The following ZBTB46 variants were observed in gnomAD, a reference collection of about 807,000 sequenced individuals.
ZBTB46 encodes the protein zinc finger and BTB domain containing 46.
A neutral mutation model predicts 44.1 loss-of-function variants in ZBTB46; 8 were observed. That is an observed-to-expected ratio of 0.18 (90% CI 0.11 to 0.33). The LOEUF is 0.33. ZBTB46 is among the 10% of genes least tolerant of loss of function. ZBTB46 has a pLI of 1.00. For synonymous variants in ZBTB46, 409 were observed against 382.3 expected, an observed-to-expected ratio of 1.07 and a Z score of -0.81; for missense variants, 651 against 847.7, an observed-to-expected ratio of 0.77 and a Z score of 2.88.
chr20:63,775,533 T>TCACCTCGCCGCAC (rs2092417725), intron 3 of ZBTB46, 145 bp downstream of exon 3: 1 of 1,118,336 alleles, frequency 8.9e-7, no homozygotes, highest in Non-Finnish European at 1.2e-6. Flanking sequence ...TGACGCCGCA[T>TCACCTCGCCGCAC]CCTCACCTCC....
In ZBTB46 at chr20:63,748,153, T is replaced by C. The variant is rs2092123027; in HGVS notation, c.1399-852A>G. 2.0e-5 allele frequency among the ~76,000 whole-genome samples: 3 copies of C among 152,174 alleles called. 1 individual carries two copies. The South Asian group carries it at 6.2e-4, about 31-fold the overall frequency. On this transcript the variant is annotated intron_variant, in intron 4 of 4. Coordinates refer to ENST00000245663, the MANE Select transcript of ZBTB46 (RefSeq NM_001369741.1). ...CCCCCACTCTCAGGCTGTTTCAAGG[T>C]CGACTGAGACATGCAAGAAGAGAGA...
chr20:63,752,397 G>A lies in ZBTB46; in HGVS notation c.1398+289C>T, dbSNP rs952576087. Among the ~76,000 whole-genome samples the A allele has an allele frequency of 1.3e-5, 2 of 152,200 alleles. No individual in the cohort carries two copies. The highest frequency in any genetic ancestry group is 1.3e-4 in the Admixed American group (2 of 15,302). On this transcript the variant is annotated intron_variant, in intron 4 of 4. Transcript: ENST00000245663. The surrounding 1 kb of genome is among the most constrained non-coding windows in gnomAD (Gnocchi z 5.6). ...GCGCAGAGGTGGCTGAGGGTTGGGG[G>A]CTCCAAGCAGAGCGAGCTGAGTTTG...
In ZBTB46 at chr20:63,790,251, C is replaced by T. The variant is rs374159825; in HGVS notation, c.507G>A (p.Pro169=). 72 of 1,611,702 alleles carry T rather than the reference C, an allele frequency of 4.5e-5. 1 individual carries two copies. The South Asian group carries it at 6.4e-4, about 14-fold the overall frequency. Residue 169 remains proline, a synonymous_variant, in exon 2 of 5, where the codon CCG becomes CCA. Transcript: ENST00000245663. ...CAGGACTCGTTCGCCGTGCCAGCCA[C>T]GGGGAGATGCTCCTCCCAGCCATCA... The part of the protein sequence containing the change: ...SAVMAGRSIS[P]WLARRTSPAN...
chr20:63,770,126 G>A (rs535244204), intron 3 of ZBTB46, among the ~76,000 whole-genome samples: 1 of 152,244 alleles, frequency 6.6e-6, no homozygotes, highest in Admixed American at 6.5e-5. Flanking sequence ...TCCGGGCACG[G>A]CTGATGCGGG....
intron 1 of ZBTB46, among the ~76,000 whole-genome samples, chr20:63,802,112 G>C (rs1435870266): frequency 1.3e-5 from 2 of 152,104 alleles, no homozygotes; most frequent in African/African-American, 4.8e-5. Context: ...GGTCATTGCA[G>C]ATGCAATTAA....
rs529459120 is a variant in ZBTB46 at position 63,744,610 on chromosome 20, T to C, written c.*2320A>G. ...AAAAAAAACCCTTCATGACATGTCTTTTCCCTCCACGCCTCCTGAGATGGA... is the reference window on the plus strand; with the variant it reads ...AAAAAAAACCCTTCATGACATGTCTCTTCCCTCCACGCCTCCTGAGATGGA... On this transcript the variant is annotated 3_prime_UTR_variant, in exon 5 of 5. Transcript: ENST00000245663. 63 of 152,458 alleles carry C rather than the reference T, an allele frequency of 4.1e-4. No homozygotes were observed. The highest frequency in any genetic ancestry group is 1.5e-3 in the African/African-American group (62 of 41,564). 9.4% of individuals were successfully genotyped at this position (152,458 alleles called of 1,614,324 possible).
chr20:63,826,419 A>T (rs1040633491), intron 1 of ZBTB46, among the ~76,000 whole-genome samples: 2 of 152,222 alleles, frequency 1.3e-5, no homozygotes, highest in African/African-American at 4.8e-5. Flanking sequence ...CGACAATGAC[A>T]GGCCCAGAGA....
rs765116319 is a variant in ZBTB46 at position 63,775,839 on chromosome 20, G to T, written c.1061C>A (p.Thr354Asn). The change falls in exon 3 of 5, where the codon ACC (threonine) becomes AAC (asparagine). Residue 354 changes from threonine to asparagine, a missense_variant. Around this residue, in one of 5 missense-constraint regions of ZBTB46, gnomAD observed 385 missense variants for 423.3 expected, o/e 0.91. Coordinates refer to ENST00000245663, the MANE Select transcript of ZBTB46 (RefSeq NM_001369741.1). ...ATGCAGGGCGTCGTCCTTCTCTGGG[G>T]TGAGGGGAGGGCCCAGATAGCTGGC... is the stretch of plus-strand genomic sequence containing the variant. ...GEASYLGPPL[T>N]PEKDDALHQA... is the part of the protein sequence containing the mutation. 119 of 1,613,362 alleles carry T rather than the reference G, an allele frequency of 7.4e-5. No homozygotes were observed. Among genetic ancestry groups the T allele is most frequent in the Admixed American group, 1.8e-4 (11 of 60,004 alleles).
At chr20:63,820,895 A>ATT (rs57955289) in intron 1 of ZBTB46, among the ~76,000 whole-genome samples, 3 of 142,290 alleles carry the variant, frequency 2.1e-5, no homozygotes, top group African/African-American at 5.1e-5. Flanking sequence ...TGCATGGCTA[A>ATT]TTTTTTTTTT....
chr20:63,783,780 A>C (rs1272095377), intron 2 of ZBTB46, among the ~76,000 whole-genome samples: 1 of 152,206 alleles, frequency 6.6e-6, no homozygotes, highest in Non-Finnish European at 1.5e-5. Flanking sequence ...ACCAAAGCAC[A>C]TGATGTCATC....
chr20:63,825,494 G>T (rs1030636578), intron 1 of ZBTB46, among the ~76,000 whole-genome samples: 17 of 145,452 alleles, frequency 1.2e-4, no homozygotes, highest in African/African-American at 3.6e-4. Flanking sequence ...TCCCCATGCT[G>T]CACAAACAGC....
At chr20:63,770,287 G>C (rs1050213379) in intron 3 of ZBTB46, among the ~76,000 whole-genome samples, 1 of 152,184 alleles carries the variant, frequency 6.6e-6, no homozygotes. Flanking sequence ...CAACTTGTGG[G>C]CAGCCATGTT....
intron 3 of ZBTB46, among the ~76,000 whole-genome samples, chr20:63,754,534 G>A (rs1010733595): frequency 1.3e-5 from 2 of 151,970 alleles, no homozygotes; most frequent in African/African-American, 2.4e-5. Context: ...GGGCTCAAGC[G>A]ATCCTCCCGC....
Position 63,746,735 on chromosome 20 carries a change from C to T in ZBTB46, c.*195G>A, listed in dbSNP as rs2092093029. The T allele has an allele frequency of 1.2e-6, 1 of 845,998 alleles. No homozygotes were observed. The highest frequency in any genetic ancestry group is 2.3e-5 in the South Asian group (1 of 42,808). The allele number at this position is 845,998 out of a possible 1,614,324, so 52.4% of individuals were successfully genotyped here. A position where few individuals can be genotyped will look rare whatever the true frequency, so the allele number is the denominator to read the frequency against. On this transcript the variant is annotated 3_prime_UTR_variant, in exon 5 of 5. Coordinates refer to ENST00000245663, the MANE Select transcript of ZBTB46 (RefSeq NM_001369741.1). ...TCCCCCAACTCACTTCATGTCTGGT[C>T]CCAGAGCACCCCTCTTGCTGGGGTC...
chr20:63,774,231 G>A (rs999293970), intron 3 of ZBTB46, among the ~76,000 whole-genome samples: 9 of 152,120 alleles, frequency 5.9e-5, no homozygotes, highest in African/African-American at 1.7e-4. Flanking sequence ...ATAAAGGGAA[G>A]GTGAACACCA....
rs1214224389 is a variant in ZBTB46 at position 63,751,637 on chromosome 20, T to TG, written c.1398+1048_1398+1049insC. ...TTCCGCCCCCCAGTGGGTCTCCCCA[T>TG]AAAGCCCCGCCCCCCGGTGGGTCTC... On this transcript the variant is annotated intron_variant, in intron 4 of 4. Coordinates refer to ENST00000245663, the MANE Select transcript of ZBTB46 (RefSeq NM_001369741.1). Among the ~76,000 whole-genome samples the TG allele has an allele frequency of 2.4e-4, 35 of 147,528 alleles. 4 individuals are homozygous for TG. The highest frequency in any genetic ancestry group is 1.8e-3 in the East Asian group (9 of 4,918).
At chr20:63,771,812 C>T (rs1325071439) in intron 3 of ZBTB46, among the ~76,000 whole-genome samples, 1 of 152,176 alleles carries the variant, frequency 6.6e-6, no homozygotes, top group Non-Finnish European at 1.5e-5. Context: ...TTATTTACCT[C>T]AGTGCATGCC....
At chr20:63,766,866 C>T (rs374411929) in intron 3 of ZBTB46, among the ~76,000 whole-genome samples, 30 of 152,288 alleles carry the variant, frequency 2.0e-4, no homozygotes, top group South Asian at 8.3e-4. Context: ...GATGGTGGGA[C>T]GCGTCTCTGG....
Position 63,752,876 on chromosome 20 carries a change from C to CG in ZBTB46, c.1223-16_1223-15insC. The CG allele has an allele frequency of 6.3e-7, 1 of 1,586,676 alleles. No individual in the cohort carries two copies. The highest frequency in any genetic ancestry group is 8.6e-7 in the Non-Finnish European group (1 of 1,160,952). On this transcript the variant is annotated splice_polypyrimidine_tract_variant and intron_variant, in intron 3 of 4. Transcript: ENST00000245663. This position sits in a 1 kb window ranked among gnomAD's most constrained non-coding sequence, Gnocchi z 5.6. ...GAACTCATTCACTGAAAGAGAGGGACCCGCGAGGCGTCAGCAGGGCTTGGG... is the reference window on the plus strand; with the variant it reads ...GAACTCATTCACTGAAAGAGAGGGACGCCGCGAGGCGTCAGCAGGGCTTGGG...
Sources: gnomAD v4.1 joint callset for allele counts (sites outside exome capture counted in the v4.1 genomes callset) on GRCh38, gnomAD v4.1.1 for gene constraint, gnomAD v4.1.1 regional missense constraint, Gnocchi (gnomAD v3.1) non-coding constraint, MANE v1.5 for transcripts, NCBI Gene and HGNC (gene_info 2026-07-23, HGNC 2026-07-21) for gene names.